The following PLEKHH1 variants were observed in gnomAD, a reference collection of about 807,000 sequenced individuals.
PLEKHH1 encodes the protein pleckstrin homology, MyTH4 and FERM domain containing H1, also known as pleckstrin homology domain-containing family H member 1.
PLEKHH1 carries 104 observed loss-of-function variants against 160.0 expected under a neutral mutation model. That is an observed-to-expected ratio of 0.65 (90% CI 0.55 to 0.76). The LOEUF is 0.76. PLEKHH1 is among the 30% of genes least tolerant of loss of function. PLEKHH1 has a pLI of 0.00. For synonymous variants in PLEKHH1, 619 were observed against 678.4 expected (o/e 0.91, Z 1.36); for missense variants, 1,427 against 1,724.1 (o/e 0.83, Z 3.05).
At chr14:67,561,322 G>T (rs564024107) in intron 5 of PLEKHH1, among the ~76,000 whole-genome samples, 1 of 152,308 alleles carries the variant, frequency 6.6e-6, no homozygotes, top group African/African-American at 2.4e-5. Flanking sequence ...AGACCTAGGC[G>T]GGTGGATTGC....
intron 14 of PLEKHH1, among the ~76,000 whole-genome samples, chr14:67,575,067 C>T (rs1733863288): frequency 6.6e-6 from 1 of 151,420 alleles, no homozygotes; most frequent in African/African-American, 2.4e-5. Context: ...TTCCCTCCCT[C>T]CCTCCCGGCA....
At chr14:67,542,725 AG>A in intron 2 of PLEKHH1, among the ~76,000 whole-genome samples, 1 of 151,840 alleles carries the variant, frequency 6.6e-6, no homozygotes, top group East Asian at 1.9e-4. Context: ...ATTGAGATGG[AG>A]TTTCGCTCTT....
intron 7 of PLEKHH1, among the ~76,000 whole-genome samples, chr14:67,564,989 C>T (rs1450337859): frequency 6.6e-6 from 1 of 152,100 alleles, no homozygotes; most frequent in African/African-American, 2.4e-5. Context: ...CTGTGTCTGG[C>T]CCTGTACCTG....
In PLEKHH1 at chr14:67,579,175, T is replaced by C. The variant is rs1566760117; in HGVS notation, c.2891T>C (p.Val964Ala). Residue 964 changes from valine to alanine, a missense_variant, in exon 21 of 29, where the codon GTG becomes GCG. Val to Ala is a moderately conservative substitution (Grantham distance 64, BLOSUM62 0). Coordinates refer to ENST00000329153, the MANE Select transcript of PLEKHH1 (RefSeq NM_020715.3). ...GQYATYCQRAVERTLRTGERE... is the reference protein window; with the variant it reads ...GQYATYCQRAAERTLRTGERE... ...TATGCCACCTACTGCCAGCGGGCAG[T>C]GGAGCGGACCCTGCGGACCGGGGAG... The C allele has an allele frequency of 1.2e-6, 2 of 1,607,028 alleles. No individual in the cohort carries two copies. Among genetic ancestry groups the C allele is most frequent in the South Asian group, 1.1e-5 (1 of 89,868 alleles).
At chr14:67,548,996 G>A (rs2034287816) in intron 2 of PLEKHH1, among the ~76,000 whole-genome samples, 2 of 152,194 alleles carry the variant, frequency 1.3e-5, no homozygotes, top group African/African-American at 2.4e-5. Context: ...ATTATACAGA[G>A]GCAGCAGTTC....
chr14:67,585,308 G>C (rs2036098938), intron 26 of PLEKHH1: 2 of 453,988 alleles, frequency 4.4e-6, no homozygotes, highest in African/African-American at 4.1e-5. Flanking sequence ...ATGGGTTCTA[G>C]GGACATCAAA....
At position 67,588,629 on chromosome 14, in the gene PLEKHH1, G is replaced by A. The variant is rs1026803595; in HGVS notation, c.*1394G>A. On this transcript the variant is annotated 3_prime_UTR_variant, in exon 29 of 29. Coordinates refer to ENST00000329153, the MANE Select transcript of PLEKHH1 (RefSeq NM_020715.3). ...CACCCTCCCCTAACAAAAACAAAAC[G>A]AAAGAGTTCATACTCTGATTTTCCA... is the stretch of plus-strand genomic sequence containing the variant. 1.3e-5 allele frequency: 2 copies of A among 152,176 alleles called. No individual in the cohort carries two copies. Among genetic ancestry groups the A allele is most frequent in the Non-Finnish European group, 2.9e-5 (2 of 68,000 alleles). The allele number at this position is 152,176 out of a possible 1,614,324, so 9.4% of individuals were successfully genotyped here.
In PLEKHH1 at chr14:67,537,346, A is replaced by AAATAATAATAATAAT. The variant is rs111429286; in HGVS notation, c.-35+3969_-35+3983dup. On this transcript the variant is annotated intron_variant, in intron 1 of 28. Transcript: ENST00000329153. ...GTGACAGAGCGAGACTCCATCTCAA[A>AAATAATAATAATAAT]AATAATAATAATAATAATAATAATA... Among the ~76,000 whole-genome samples, 1,176 of 126,576 alleles carry AAATAATAATAATAAT rather than the reference A, an allele frequency of 9.3e-3. 7 individuals are homozygous for AAATAATAATAATAAT. The highest frequency in any genetic ancestry group is 0.014 in the East Asian group (63 of 4,498). 83.0% of individuals were successfully genotyped at this position (126,576 alleles called of 152,430 possible).
At chr14:67,566,296 C>A (rs1330332713) in intron 7 of PLEKHH1, among the ~76,000 whole-genome samples, 2 of 108 alleles carry the variant, frequency 0.019, no homozygotes, top group Non-Finnish European at 0.036. Flanking sequence ...AGCACTGGTC[C>A]CCCTGGGCTG....
In PLEKHH1 at chr14:67,575,940, A is replaced by C; in HGVS notation, c.2287A>C (p.Thr763Pro). Residue 763 changes from threonine to proline, a missense_variant, in exon 16 of 29, where the codon ACC becomes CCC. Thr to Pro is a conservative substitution (Grantham distance 38). Coordinates refer to ENST00000329153, the MANE Select transcript of PLEKHH1 (RefSeq NM_020715.3). ...GTRRLLSSHC[T>P]LVIHPTEHSP... ...CAGACGGTTGCTTTCCTCCCACTGCACCCTGGTGATCCACCCCACAGAGCA... is the reference window on the plus strand; with the variant it reads ...CAGACGGTTGCTTTCCTCCCACTGCCCCCTGGTGATCCACCCCACAGAGCA... 2 of 1,613,876 alleles carry C rather than the reference A, an allele frequency of 1.2e-6. No homozygotes were observed. The highest frequency in any genetic ancestry group is 1.7e-5 in the Admixed American group (1 of 60,010).
Position 67,572,258 on chromosome 14 carries a change from ACGGGCTGGGCCTGGG to A in PLEKHH1, c.1714_1728del (p.Leu572_Gly576del). On this transcript the variant is annotated inframe_deletion, in exon 11 of 29. Transcript: ENST00000329153. Reference sequence around the variant, plus strand: ...CAGCGCACCTCATCCTACTCCACCGACGGGCTGGGCCTGGGCGGGGTGAGCCGGGAAACGGGCGGG... The same window carrying A: ...CAGCGCACCTCATCCTACTCCACCGACGGGGTGAGCCGGGAAACGGGCGGG... The A allele has an allele frequency of 6.2e-7, 1 of 1,601,632 alleles. No homozygotes were observed. The highest frequency in any genetic ancestry group is 8.5e-7 in the Non-Finnish European group (1 of 1,175,624).
chr14:67,555,904 A>G lies in PLEKHH1; in HGVS notation c.189+17A>G. On this transcript the variant is annotated intron_variant, in intron 3 of 28. Coordinates refer to ENST00000329153, the MANE Select transcript of PLEKHH1 (RefSeq NM_020715.3). The stretch of plus-strand genomic sequence containing the variant: ...GAGACCCAGGTAACCAGGGGAGGGG[A>G]TCGGCGGGAATATGCAGGGGAATGA... 6.2e-7 allele frequency: 1 copy of G among 1,611,828 alleles called. No homozygotes were observed. The highest frequency in any genetic ancestry group is 2.2e-5 in the East Asian group (1 of 44,806).
At position 67,586,052 on chromosome 14, in the gene PLEKHH1, A is replaced by G. The variant is rs1340378724; in HGVS notation, c.3888A>G (p.Gly1296=). Residue 1296 remains glycine, a synonymous_variant, in exon 28 of 29, where the codon GGA becomes GGG. Transcript: ENST00000329153. Reference sequence around the variant, plus strand: ...GATCTATCCCAGACAAGAGCTCTGGAAAAAGCCACATTGAGAAGTTGATCT... The same window carrying G: ...GATCTATCCCAGACAAGAGCTCTGGGAAAAGCCACATTGAGAAGTTGATCT... The part of the protein sequence containing the change: ...VIRSIPDKSS[G]KSHIEKLIFR... 1 of 1,613,882 alleles carries G rather than the reference A, an allele frequency of 6.2e-7. No individual in the cohort carries two copies.
At chr14:67,586,790 G>A (rs372813915) in intron 28 of PLEKHH1, 33 of 1,382,208 alleles carry the variant, frequency 2.4e-5, no homozygotes, top group Non-Finnish European at 2.8e-5. Flanking sequence ...TTCTTAAGAA[G>A]GCCCCTTCCC....
chr14:67,554,585 A>C (rs1259337646), intron 2 of PLEKHH1, among the ~76,000 whole-genome samples: 1 of 152,200 alleles, frequency 6.6e-6, no homozygotes, highest in East Asian at 1.9e-4. Context: ...GGGATGCATG[A>C]ATTTGCTCTG....
chr14:67,534,054 A>G (rs867910119), intron 1 of PLEKHH1, among the ~76,000 whole-genome samples: 51 of 152,032 alleles, frequency 3.4e-4, no homozygotes, highest in African/African-American at 1.2e-3. Context: ...CCACCTCATA[A>G]AACTCTTCCA....
chr14:67,586,502 C>A, intron 28 of PLEKHH1: 1 of 936,920 alleles, frequency 1.1e-6, no homozygotes, highest in Non-Finnish European at 1.5e-6. Flanking sequence ...ACATTAGCTA[C>A]AAAGTGGGAC....
chr14:67,586,093 C>T lies in PLEKHH1; in HGVS notation c.3929C>T (p.Pro1310Leu). 1 of 1,613,860 alleles carries T rather than the reference C, an allele frequency of 6.2e-7. No homozygotes were observed. The highest frequency in any genetic ancestry group is 8.5e-7 in the Non-Finnish European group (1 of 1,179,886). Residue 1310 changes from proline to leucine, a missense_variant, in exon 28 of 29, where the codon CCC becomes CTC. Pro to Leu is a moderately conservative substitution (Grantham distance 98). Around this residue, in one of 6 missense-constraint regions of PLEKHH1, gnomAD observed 96 missense variants for 97.6 expected, o/e 0.98. Transcript: ENST00000329153. Reference protein sequence around the residue: ...IEKLIFRMAAPKIAEATFIMA... With the variant: ...IEKLIFRMAALKIAEATFIMA... Reference sequence around the variant, plus strand: ...AAGTTGATCTTCCGGATGGCTGCTCCCAAGGTAGGTCTGACAGCTGTTAAA... The same window carrying T: ...AAGTTGATCTTCCGGATGGCTGCTCTCAAGGTAGGTCTGACAGCTGTTAAA...
At chr14:67,565,518 C>T (rs12883810) in intron 7 of PLEKHH1, among the ~76,000 whole-genome samples, 19,549 of 152,092 alleles carry the variant, frequency 0.13, 1,499 homozygotes, top group East Asian at 0.27. Context: ...CCACCTTACC[C>T]GGTCTGAGAG....
Sources: gnomAD v4.1 joint callset for allele counts (sites outside exome capture counted in the v4.1 genomes callset) on GRCh38, gnomAD v4.1.1 for gene constraint, gnomAD v4.1.1 regional missense constraint, MANE v1.5 for transcripts, NCBI Gene and HGNC (gene_info 2026-07-23, HGNC 2026-07-21) for gene names.